ABI3BP: variants seen among roughly 807,000 people sequenced by gnomAD.
The protein encoded by ABI3BP is target of Nesh-SH3.
A neutral mutation model predicts 268.6 loss-of-function variants in ABI3BP; 216 were observed. The ratio of observed to expected loss-of-function variants is 0.80; its 90% CI spans 0.72 to 0.90. ABI3BP has a LOEUF of 0.90. ABI3BP is among the 40% of genes least tolerant of loss of function. The pLI is 0.00. For missense variants in ABI3BP, 2,090 were observed against 2,182.4 expected, an observed-to-expected ratio of 0.96 and a Z score of 0.84; for synonymous variants, 730 against 730.0, an observed-to-expected ratio of 1.00 and a Z score of 0.00.
chr3:100,820,128 C>T (rs1300407756), intron 40 of ABI3BP, 92 bp downstream of exon 40: 3 of 1,134,628 alleles, frequency 2.6e-6, no homozygotes, highest in Admixed American at 2.1e-5. Context: ...CCACATGGTA[C>T]TCACACAGGC....
rs1305138105 is a variant in ABI3BP at position 100,926,413 on chromosome 3, G to C, written c.148C>G (p.Pro50Ala). Residue 50 changes from proline (P) to alanine (A), a missense_variant, in exon 2 of 68, where the codon CCA becomes GCA. Transcript: ENST00000471714. ...SDSILLKFLR[P>A]SPNVKLEGLL... ...CCTTCAAGCTTTACATTTGGACTTG[G>C]ACGCAAGAACTTCAAGAGGATGGAG... 6.2e-7 allele frequency: 1 copy of C among 1,613,474 alleles called. No homozygotes were observed. Among genetic ancestry groups the C allele is most frequent in the Non-Finnish European group, 8.5e-7 (1 of 1,179,576 alleles).
At chr3:100,958,124 C>T (rs2077453433) in intron 1 of ABI3BP, among the ~76,000 whole-genome samples, 1 of 152,190 alleles carries the variant, frequency 6.6e-6, no homozygotes, top group Admixed American at 6.5e-5. Flanking sequence ...AGTTGGAACT[C>T]ATCCCTAATA....
At chr3:100,829,363 A>C (rs1054653354) in intron 33 of ABI3BP, among the ~76,000 whole-genome samples, 1 of 152,156 alleles carries the variant, frequency 6.6e-6, no homozygotes, top group Non-Finnish European at 1.5e-5. Context: ...TCATATATTC[A>C]ACATTGAAAG....
chr3:100,786,891 A>G (rs937513931), intron 57 of ABI3BP, among the ~76,000 whole-genome samples: 1 of 152,162 alleles, frequency 6.6e-6, no homozygotes, highest in African/African-American at 2.4e-5. Flanking sequence ...TCAAGTACAA[A>G]AAGCACATTC....
chr3:100,804,897 T>G, intron 50 of ABI3BP, 31 bp from the exon 51 acceptor site: 18 of 1,588,028 alleles, frequency 1.1e-5, no homozygotes, highest in Non-Finnish European at 1.6e-5. Flanking sequence ...TGTAAGTCAT[T>G]TGGTTTCAGC....
chr3:100,804,866 A>T lies in ABI3BP; in HGVS notation c.3683T>A (p.Val1228Asp). 6.2e-7 allele frequency: 1 copy of T among 1,612,596 alleles called. No homozygotes were observed. The highest frequency in any genetic ancestry group is 8.5e-7 in the Non-Finnish European group (1 of 1,178,814). ...AGTAACACGCTGGGGCACCTTAGGA[A>T]CTGAAAGAGAGAACTCATATTGTAA... ...PRPRIPQTQPVPKVPQRVTAK... is the reference protein window; with the variant it reads ...PRPRIPQTQPDPKVPQRVTAK... Residue 1228 changes from valine (V) to aspartate (D), a missense_variant and splice_region_variant, in exon 51 of 68, where the codon GTT becomes GAT. Coordinates refer to ENST00000471714, the MANE Select transcript of ABI3BP (RefSeq NM_001375547.2).
intron 3 of ABI3BP, among the ~76,000 whole-genome samples, chr3:100,900,865 T>C (rs2153490245): frequency 6.6e-6 from 1 of 152,312 alleles, no homozygotes; most frequent in South Asian, 2.1e-4. Flanking sequence ...TTTCTAAGGC[T>C]AGTGTCATAG....
chr3:100,846,743 G>A (rs115698940), intron 19 of ABI3BP, among the ~76,000 whole-genome samples: 1 of 152,022 alleles, frequency 6.6e-6, no homozygotes, highest in Non-Finnish European at 1.5e-5. Context: ...TATAATCTAT[G>A]ATTTTTAAAA....
At chr3:100,935,803 G>A (rs1159217765) in intron 1 of ABI3BP, among the ~76,000 whole-genome samples, 3 of 151,882 alleles carry the variant, frequency 2.0e-5, no homozygotes, top group African/African-American at 4.8e-5. Context: ...GTATAGGAAG[G>A]TTGTGATTTT....
chr3:100,862,932 A>G, intron 12 of ABI3BP, 23 bp from the exon 13 acceptor site: 1 of 1,505,592 alleles, frequency 6.6e-7, no homozygotes, highest in East Asian at 2.5e-5. Flanking sequence ...ACATAAAGAA[A>G]GTTACGACCT....
intron 6 of ABI3BP, among the ~76,000 whole-genome samples, chr3:100,882,897 G>C (rs2040099850): frequency 6.6e-6 from 1 of 152,108 alleles, no homozygotes; most frequent in Non-Finnish European, 1.5e-5. Context: ...GACAATGTAT[G>C]CTTCCTAGGC....
chr3:100,795,690 G>T, intron 53 of ABI3BP, 114 bp downstream of exon 53: 1 of 844,142 alleles, frequency 1.2e-6, no homozygotes, highest in African/African-American at 1.8e-5. Context: ...TAATGAGAAT[G>T]AAATGATGAA....
In ABI3BP at chr3:100,792,783, G is replaced by T. The variant is rs979932535; in HGVS notation, c.3947-15C>A. The T allele has an allele frequency of 1.2e-6, 2 of 1,604,964 alleles. No homozygotes were observed. Among genetic ancestry groups the T allele is most frequent in the Admixed American group, 1.7e-5 (1 of 59,730 alleles). On this transcript the variant is annotated splice_polypyrimidine_tract_variant and intron_variant, in intron 54 of 67. Coordinates refer to ENST00000471714, the MANE Select transcript of ABI3BP (RefSeq NM_001375547.2). ...GTCTGTTTCTTCTAGAGAAAACACA[G>T]TAAGATTGCTTGTTTTAAATAATTA...
rs754495049 is a variant in ABI3BP at position 100,993,361 on chromosome 3, T to C, written c.24A>G (p.Leu8=). 73 of 1,553,348 alleles carry C rather than the reference T, an allele frequency of 4.7e-5. No homozygotes were observed. Among genetic ancestry groups the C allele is most frequent in the Non-Finnish European group, 5.8e-5 (67 of 1,147,826 alleles). MLSSLGC[L]LLCGSITLAL... ...CTAGTGTAATACTTCCACAGAGAAG[T>C]AGACACCCCAAACTGGAGAGCATGT... is the stretch of plus-strand genomic sequence containing the variant. Residue 8 remains leucine (L), a synonymous_variant, in exon 1 of 68, where the codon CTA becomes CTG. Transcript: ENST00000471714.
At chr3:100,935,950 G>A (rs997779486) in intron 1 of ABI3BP, among the ~76,000 whole-genome samples, 6 of 151,906 alleles carry the variant, frequency 3.9e-5, no homozygotes, top group Non-Finnish European at 7.4e-5. Flanking sequence ...TCCACTTTTC[G>A]TACTTGAGTA....
chr3:100,938,138 C>A (rs1212809873), intron 1 of ABI3BP, among the ~76,000 whole-genome samples: 1 of 151,764 alleles, frequency 6.6e-6, no homozygotes. Flanking sequence ...CACACTGATG[C>A]CTACTTGAAG....
chr3:100,770,464 C>A (rs921238630), intron 62 of ABI3BP, among the ~76,000 whole-genome samples: 3 of 152,110 alleles, frequency 2.0e-5, no homozygotes, highest in African/African-American at 7.2e-5. Context: ...AGACTAGCTT[C>A]TTCTTCATTG....
intron 57 of ABI3BP, among the ~76,000 whole-genome samples, chr3:100,783,483 G>C (rs1018984510): frequency 2.0e-5 from 3 of 152,200 alleles, no homozygotes; most frequent in Non-Finnish European, 4.4e-5. Context: ...GAAAAAAATA[G>C]CTGCACAACT....
chr3:100,958,806 A>G lies in ABI3BP; in HGVS notation c.80-32325T>C, dbSNP rs1584925321. ...TGAATTCCTAAAAGCCTGGAAATGT[A>G]GACTATCATTCGAATACAGAATCCC... On this transcript the variant is annotated intron_variant, in intron 1 of 67. Transcript: ENST00000471714. Among the ~76,000 whole-genome samples the G allele has an allele frequency of 2.0e-5, 3 of 152,352 alleles. No homozygotes were observed. The South Asian group carries it at 6.2e-4, about 32-fold the overall frequency.
Sources: allele counts gnomAD v4.1 joint callset (sites outside exome capture counted in the v4.1 genomes callset), GRCh38; gene constraint gnomAD v4.1.1; transcripts MANE v1.5; gene names NCBI Gene and HGNC (gene_info 2026-07-23, HGNC 2026-07-21).